The following BICC1 variants were observed in gnomAD, a reference collection of about 807,000 sequenced individuals.
BICC1 encodes protein bicaudal C homolog 1.
In BICC1, 43 loss-of-function variants were observed where a neutral mutation model predicts 111.0. That is an observed-to-expected ratio of 0.39 (90% CI 0.30 to 0.50). The LOEUF is 0.50. Among genes scored for constraint, BICC1 ranks in the 20% least tolerant of loss-of-function variants. The probability of loss-of-function intolerance (pLI) is 0.88; values close to 1 mark genes in which losing one functional copy is unlikely to be tolerated. For missense variants in BICC1, 1,091 were observed against 1,203.2 expected (o/e 0.91, Z 1.38); for synonymous variants, 467 against 434.4 (o/e 1.07, Z -0.93).
At chr10:58,608,197 A>G (rs1845293207) in intron 1 of BICC1, among the ~76,000 whole-genome samples, 1 of 152,036 alleles carries the variant, frequency 6.6e-6, no homozygotes, top group Admixed American at 6.6e-5. Flanking sequence ...TAACAACCAT[A>G]AAACTACTCC....
chr10:58,695,581 A>G (rs1840043943), intron 2 of BICC1, among the ~76,000 whole-genome samples: 1 of 152,192 alleles, frequency 6.6e-6, no homozygotes, highest in Non-Finnish European at 1.5e-5. Flanking sequence ...GTTAGTATAA[A>G]TAGACCTGTC....
At chr10:58,785,623 A>C (rs1842989521) in intron 4 of BICC1, among the ~76,000 whole-genome samples, 1 of 152,074 alleles carries the variant, frequency 6.6e-6, no homozygotes, top group Non-Finnish European at 1.5e-5. Context: ...AATATGTAAA[A>C]ATTTATACTC....
At chr10:58,678,136 A>G (rs954487072) in intron 2 of BICC1, among the ~76,000 whole-genome samples, 9 of 152,214 alleles carry the variant, frequency 5.9e-5, no homozygotes, top group Admixed American at 4.6e-4. Context: ...TGCATCAACT[A>G]ACAGGCAAAA....
rs150503382 is a variant in BICC1, at chr10:58,579,216, G to C, written c.191-41639G>C. Among the ~76,000 whole-genome samples, 483 of 152,274 alleles carry C rather than the reference G, an allele frequency of 3.2e-3. 3 individuals carry two copies. The highest frequency in any genetic ancestry group is 3.9e-3 in the Non-Finnish European group (265 of 68,028). ...TCAGTTGTGCCTCTGGCTTCCTTGC[G>C]ACATTCCTTAGAACTGGCTTGAAAC... On this transcript the variant is annotated intron_variant, in intron 1 of 20. Transcript: ENST00000373886.
At chr10:58,732,795 A>ATT (rs1841357409) in intron 3 of BICC1, among the ~76,000 whole-genome samples, 1 of 151,966 alleles carries the variant, frequency 6.6e-6, no homozygotes, top group Non-Finnish European at 1.5e-5. Flanking sequence ...CACACACACA[A>ATT]AATTGCTGTC....
At chr10:58,815,976 A>T (rs2132949805) in intron 18 of BICC1, among the ~76,000 whole-genome samples, 1 of 152,282 alleles carries the variant, frequency 6.6e-6, no homozygotes, top group South Asian at 2.1e-4. Context: ...ATGTGTGGCC[A>T]ATGGCTACTG....
intron 1 of BICC1, among the ~76,000 whole-genome samples, chr10:58,594,866 C>T (rs1483202764): frequency 6.6e-6 from 1 of 152,160 alleles, no homozygotes; most frequent in African/African-American, 2.4e-5. Flanking sequence ...ATCAAATTCA[C>T]ACATAACAAT....
chr10:58,662,237 A>G (rs554811598), intron 2 of BICC1, among the ~76,000 whole-genome samples: 2 of 152,218 alleles, frequency 1.3e-5, no homozygotes, highest in African/African-American at 4.8e-5. Context: ...GAATATAAAA[A>G]TCCCAATGGC....
At chr10:58,629,543 G>A (rs181585505) in intron 2 of BICC1, among the ~76,000 whole-genome samples, 47 of 152,264 alleles carry the variant, frequency 3.1e-4, no homozygotes, top group Non-Finnish European at 6.6e-4. Context: ...GCATATTAGA[G>A]GGACAACCAA....
intron 2 of BICC1, among the ~76,000 whole-genome samples, chr10:58,687,922 A>T (rs1000184583): frequency 2.6e-5 from 4 of 151,974 alleles, no homozygotes; most frequent in Non-Finnish European, 1.5e-5. Context: ...GAAATTACCC[A>T]TCTTCTGTCG....
chr10:58,730,720 C>T (rs1841263010), intron 3 of BICC1, among the ~76,000 whole-genome samples: 1 of 152,072 alleles, frequency 6.6e-6, no homozygotes, highest in African/African-American at 2.4e-5. Flanking sequence ...GTAGAAACCA[C>T]CAATGCTTCT....
Position 58,658,590 on chromosome 10 carries a change from G to A in BICC1, c.237+37689G>A, listed in dbSNP as rs547274048. Among the ~76,000 whole-genome samples, 15 of 152,172 alleles carry A rather than the reference G, an allele frequency of 9.9e-5. 1 individual carries two copies. The highest frequency in any genetic ancestry group is 7.2e-4 in the Admixed American group (11 of 15,264). On this transcript the variant is annotated intron_variant, in intron 2 of 20. Transcript: ENST00000373886. ...TACTTAGCATTGTATAATAAAGAGC[G>A]CTCTTTTATTCCCTGTTTATCAAAT...
Position 58,789,824 on chromosome 10 carries a change from G to A in BICC1, c.938G>A (p.Arg313Lys), listed in dbSNP as rs1337668924. The A allele has an allele frequency of 1.2e-6, 2 of 1,613,984 alleles. No individual in the cohort carries two copies. Among genetic ancestry groups the A allele is most frequent in the East Asian group, 2.2e-5 (1 of 44,874 alleles). Residue 313 changes from arginine to lysine, a missense_variant, in exon 8 of 21, where the codon AGA becomes AAA. Arg to Lys is a conservative substitution (Grantham distance 26, BLOSUM62 2). Transcript: ENST00000373886. ...AGCAACATCAAACATATCATGCAGAGAACAGGTGCTCAGATCCACTTTCCT... is the reference window on the plus strand; with the variant it reads ...AGCAACATCAAACATATCATGCAGAAAACAGGTGCTCAGATCCACTTTCCT... ...NGSNIKHIMQ[R>K]TGAQIHFPDP... is the part of the protein sequence containing the mutation.
rs961666126 is a variant in BICC1, at chr10:58,695,272, C to T, written c.238-6802C>T. ...GAGAAGTTCACAACTTTCCCATCTC[C>T]GCTTAGTTGGCTCTTTTCTCACTTA... On this transcript the variant is annotated intron_variant, in intron 2 of 20. Transcript: ENST00000373886. Among the ~76,000 whole-genome samples, 4 of 152,104 alleles carry T rather than the reference C, an allele frequency of 2.6e-5. No individual in the cohort carries two copies. In the South Asian group the frequency reaches 6.2e-4, roughly 24 times the overall value.
chr10:58,633,842 A>G (rs1267823247), intron 2 of BICC1, among the ~76,000 whole-genome samples: 2 of 152,136 alleles, frequency 1.3e-5, no homozygotes, highest in Non-Finnish European at 2.9e-5. Context: ...TCAGTTTAGC[A>G]CACTCTGGTA....
intron 2 of BICC1, among the ~76,000 whole-genome samples, chr10:58,688,290 A>G (rs7898702): frequency 0.97 from 147,219 of 152,148 alleles, 71,419 homozygotes; most frequent in Middle Eastern, 1. Flanking sequence ...TTCACTGACC[A>G]CTCATTGGGC....
chr10:58,821,231 C>G (rs1416838292), intron 20 of BICC1, among the ~76,000 whole-genome samples: 1 of 152,186 alleles, frequency 6.6e-6, no homozygotes, highest in African/African-American at 2.4e-5. Context: ...TGAAGACTTG[C>G]CAATAAAGTT....
chr10:58,590,281 G>C (rs955287826), intron 1 of BICC1, among the ~76,000 whole-genome samples: 1 of 152,160 alleles, frequency 6.6e-6, no homozygotes, highest in African/African-American at 2.4e-5. Context: ...GCTATGCGCA[G>C]TCTGGCCTTG....
At chr10:58,675,417 T>TAA (rs1472118118) in intron 2 of BICC1, among the ~76,000 whole-genome samples, 1 of 152,056 alleles carries the variant, frequency 6.6e-6, no homozygotes, top group Non-Finnish European at 1.5e-5. Context: ...TATATATATA[T>TAA]AATAAAATAA....
Sources: gnomAD v4.1 joint callset for allele counts (sites outside exome capture counted in the v4.1 genomes callset) on GRCh38, gnomAD v4.1.1 for gene constraint, MANE v1.5 for transcripts, NCBI Gene and HGNC (gene_info 2026-07-23, HGNC 2026-07-21) for gene names.